DCP2: variants seen among roughly 807,000 people sequenced by gnomAD.
DCP2 encodes the protein decapping mRNA 2, also known as m7GpppN-mRNA hydrolase.
DCP2 carries 30 observed loss-of-function variants against 56.1 expected under a neutral mutation model. The ratio of observed to expected loss-of-function variants is 0.53; its 90% CI spans 0.40 to 0.73. The LOEUF (loss-of-function observed/expected upper bound fraction) is 0.73, where lower values mean the gene tolerates loss of function less well. Ranked by LOEUF, DCP2 falls within the 30% of genes least tolerant of loss-of-function variation. The pLI, the probability that DCP2 is intolerant of heterozygous loss-of-function variation, is 0.00. For synonymous variants in DCP2, 197 were observed against 163.3 expected, an observed-to-expected ratio of 1.21 and a Z score of -1.57; for missense variants, 533 against 502.7, an observed-to-expected ratio of 1.06 and a Z score of -0.58.
At chr5:112,980,399 T>G (rs1747947626) in intron 1 of DCP2, among the ~76,000 whole-genome samples, 1 of 152,256 alleles carries the variant, frequency 6.6e-6, no homozygotes, top group Non-Finnish European at 1.5e-5. Flanking sequence ...GCCGTGTTAG[T>G]GTTGAATTCA....
intron 1 of DCP2, among the ~76,000 whole-genome samples, chr5:112,980,275 T>A (rs1747938774): frequency 6.6e-6 from 1 of 152,212 alleles, no homozygotes; most frequent in Admixed American, 6.5e-5. Context: ...AAGAGTTGGG[T>A]ATAGTAAGGC....
intron 9 of DCP2, among the ~76,000 whole-genome samples, chr5:113,009,563 C>A (rs981437387): frequency 6.6e-6 from 1 of 152,078 alleles, no homozygotes; most frequent in Non-Finnish European, 1.5e-5. Context: ...ATATCAAAAC[C>A]CTACAAAAGT....
chr5:112,988,270 C>G, intron 2 of DCP2, among the ~76,000 whole-genome samples: 1 of 150,510 alleles, frequency 6.6e-6, no homozygotes, highest in East Asian at 2.0e-4. Context: ...ATCACTAAGT[C>G]AGGAGATCGA....
At chr5:112,985,698 A>G (rs1188220149) in intron 1 of DCP2, 137 bp from the exon 2 acceptor site, 2 of 861,598 alleles carry the variant, frequency 2.3e-6, no homozygotes, top group Admixed American at 5.5e-5. Context: ...TCTCTCAAAT[A>G]TTAATTGCTT....
At position 113,013,517 on chromosome 5, in the gene DCP2, C is replaced by T. The variant is rs1424117239; in HGVS notation, c.*33C>T. The T allele has an allele frequency of 3.7e-6, 6 of 1,609,534 alleles. No individual in the cohort carries two copies. The highest frequency in any genetic ancestry group is 1.3e-5 in the African/African-American group (1 of 74,720). Reference sequence around the variant, plus strand: ...ACATGTATTGTAAATGTCCCAGGATCAGAGACCTGTTGAATTTGAGTGGGT... The same window carrying T: ...ACATGTATTGTAAATGTCCCAGGATTAGAGACCTGTTGAATTTGAGTGGGT... On this transcript the variant is annotated 3_prime_UTR_variant, in exon 11 of 11. Transcript: ENST00000389063.
chr5:113,005,930 C>T (rs373115853), intron 8 of DCP2, among the ~76,000 whole-genome samples: 3 of 151,892 alleles, frequency 2.0e-5, no homozygotes, highest in East Asian at 1.9e-4. Flanking sequence ...CCCAGTAGTT[C>T]GAGACCCACC....
chr5:113,020,966 C>A lies in DCP2; in HGVS notation c.*7482C>A, dbSNP rs972692569. 1 of 152,174 alleles carries A rather than the reference C, an allele frequency of 6.6e-6. No homozygotes were observed. The highest frequency in any genetic ancestry group is 1.5e-5 in the Non-Finnish European group (1 of 68,042). 9.4% of individuals were successfully genotyped at this position (152,174 alleles called of 1,614,324 possible). ...GCTGCTTGGGCGGTTTTAGTTACCA[C>A]CTTAGCCTGGTTTTCTGCTACTGTT... On this transcript the variant is annotated 3_prime_UTR_variant, in exon 11 of 11. Coordinates refer to ENST00000389063, the MANE Select transcript of DCP2 (RefSeq NM_152624.6).
chr5:112,992,339 G>T lies in DCP2; in HGVS notation c.333+91G>T, dbSNP rs1484444284. 5 of 1,475,124 alleles carry T rather than the reference G, an allele frequency of 3.4e-6. No individual in the cohort carries two copies. In the African/African-American group the frequency reaches 4.3e-5, roughly 13 times the overall value. 91.4% of individuals were successfully genotyped at this position (1,475,124 alleles called of 1,614,324 possible). ...ATTGATGTAGTGTTTCTAAATTGAG[G>T]TTTTAAAATATACTTAGATTTTTAG... On this transcript the variant is annotated intron_variant, in intron 3 of 10. Coordinates refer to ENST00000389063, the MANE Select transcript of DCP2 (RefSeq NM_152624.6).
At chr5:112,999,267 A>G (rs750516697) in intron 4 of DCP2, among the ~76,000 whole-genome samples, 1 of 152,246 alleles carries the variant, frequency 6.6e-6, no homozygotes, top group Admixed American at 6.5e-5. Context: ...GAGCAGAGCT[A>G]AAGAAAATAA....
intron 9 of DCP2, among the ~76,000 whole-genome samples, chr5:113,009,068 A>G (rs1457351572): frequency 6.6e-6 from 1 of 152,104 alleles, no homozygotes; most frequent in Non-Finnish European, 1.5e-5. Context: ...GATGGTCTCG[A>G]TCTCCAGACC....
Position 113,020,728 on chromosome 5 carries a change from T to C in DCP2, c.*7244T>C, listed in dbSNP as rs2150199144. 6.6e-6 allele frequency: 1 copy of C among 152,376 alleles called. No individual in the cohort carries two copies. Among genetic ancestry groups the C allele is most frequent in the East Asian group, 1.9e-4 (1 of 5,190 alleles). The allele number at this position is 152,376 out of a possible 1,614,324, so 9.4% of individuals were successfully genotyped here. On this transcript the variant is annotated 3_prime_UTR_variant, in exon 11 of 11. Coordinates refer to ENST00000389063, the MANE Select transcript of DCP2 (RefSeq NM_152624.6). ...ACCCACTAGAATGTCAGCTGTACTC[T>C]GTACTCTCCACTGAGAAAATGAACA... is the stretch of plus-strand genomic sequence containing the variant.
At chr5:112,979,273 T>TGAAACC (rs1450790898) in intron 1 of DCP2, among the ~76,000 whole-genome samples, 1 of 152,174 alleles carries the variant, frequency 6.6e-6, no homozygotes, top group East Asian at 1.9e-4. Context: ...TGAAACCAAA[T>TGAAACC]AAACATTTCT....
rs1580831837 is a variant in DCP2 at position 113,007,848 on chromosome 5, T to G, written c.943-90T>G. The G allele has an allele frequency of 4.3e-6, 5 of 1,159,516 alleles. No individual in the cohort carries two copies. In the East Asian group the frequency reaches 1.3e-4, roughly 30 times the overall value. The allele number at this position is 1,159,516 out of a possible 1,614,324, so 71.8% of individuals were successfully genotyped here. A position where few individuals can be genotyped will look rare whatever the true frequency, so the allele number is the denominator to read the frequency against. On this transcript the variant is annotated intron_variant, in intron 8 of 10. Coordinates refer to ENST00000389063, the MANE Select transcript of DCP2 (RefSeq NM_152624.6). ...AGGAGAAGCTTTGCTAAAAACTTGG[T>G]TCAACCAGCTAAACATATTCATGGG...
chr5:112,998,630 C>G (rs556413629), intron 4 of DCP2, among the ~76,000 whole-genome samples: 1 of 152,142 alleles, frequency 6.6e-6, no homozygotes, highest in African/African-American at 2.4e-5. Flanking sequence ...CTACGTGACC[C>G]CATAAAAATT....
chr5:113,000,302 AAGTGATCCTCCCTCTGTGGCCTCC>A (rs1561697364), intron 4 of DCP2, among the ~76,000 whole-genome samples: 17 of 151,592 alleles, frequency 1.1e-4, no homozygotes, highest in African/African-American at 4.1e-4. Context: ...ACCTGGGCTC[AAGTGATCCTCCCTCTGTGGCCTCC>A]CAAAGTACTG....
intron 7 of DCP2, among the ~76,000 whole-genome samples, chr5:113,003,223 A>G (rs1406610280): frequency 1.3e-5 from 2 of 152,222 alleles, no homozygotes; most frequent in African/African-American, 4.8e-5. Context: ...CTGGGAGTAT[A>G]GGTGTGAGCT....
intron 1 of DCP2, among the ~76,000 whole-genome samples, chr5:112,979,928 C>T (rs1002973613): frequency 1.3e-5 from 2 of 151,996 alleles, no homozygotes; most frequent in African/African-American, 2.4e-5. Context: ...TATATGTATT[C>T]GTATGCCGAA....
rs986028969 is a variant in DCP2 at position 113,002,588 on chromosome 5, A to T, written c.806+914A>T. ...CCAGGCTGGAGTACGTGGCATGATC[A>T]CAGCTCACCGCAGCCTTGACCTCCT... On this transcript the variant is annotated intron_variant, in intron 7 of 10. Coordinates refer to ENST00000389063, the MANE Select transcript of DCP2 (RefSeq NM_152624.6). Among the ~76,000 whole-genome samples the T allele has an allele frequency of 3.3e-5, 5 of 152,016 alleles. No individual in the cohort carries two copies. In the South Asian group the frequency reaches 1.0e-3, roughly 32 times the overall value.
intron 4 of DCP2, among the ~76,000 whole-genome samples, chr5:112,999,285 A>T (rs1749014920): frequency 6.6e-6 from 1 of 152,118 alleles, no homozygotes; most frequent in African/African-American, 2.4e-5. Flanking sequence ...TAACTATAAA[A>T]CTAGAATTAA....
Sources: allele counts gnomAD v4.1 joint callset (sites outside exome capture counted in the v4.1 genomes callset), GRCh38; gene constraint gnomAD v4.1.1; transcripts MANE v1.5; gene names NCBI Gene and HGNC (gene_info 2026-07-23, HGNC 2026-07-21).